NUP98: variants seen among roughly 807,000 people sequenced by gnomAD.
NUP98 encodes nucleoporin 98 and 96 precursor.
NUP98 carries 26 observed loss-of-function variants against 191.9 expected under a neutral mutation model. The observed-to-expected ratio is 0.14, with a 90% confidence interval of 0.10 to 0.19. The LOEUF (loss-of-function observed/expected upper bound fraction) is 0.19, where lower values mean the gene tolerates loss of function less well. Among genes scored for constraint, NUP98 ranks in the 10% least tolerant of loss-of-function variants. NUP98 has a pLI of 1.00. For missense variants in NUP98, 1,941 were observed against 2,178.8 expected (o/e 0.89, Z 2.17); for synonymous variants, 808 against 778.4 (o/e 1.04, Z -0.63).
chr11:3,779,292 A>G, intron 2 of NUP98, 35 bp from the exon 3 acceptor site: 1 of 1,487,610 alleles, frequency 6.7e-7, no homozygotes. Context: ...ATTAGAATTT[A>G]GAATAAAATC....
chr11:3,789,848 G>C (rs957754415), intron 1 of NUP98, among the ~76,000 whole-genome samples: 7 of 152,080 alleles, frequency 4.6e-5, no homozygotes. Context: ...GCAGTGGCAT[G>C]ATCTCAGCTC....
intron 9 of NUP98, 33 bp from the exon 10 acceptor site, chr11:3,760,659 T>A: frequency 1.3e-6 from 2 of 1,583,570 alleles, no homozygotes; most frequent in Non-Finnish European, 1.7e-6. Flanking sequence ...AAATTTAAAA[T>A]AATATTAAGA....
chr11:3,715,992 A>C (rs1305587870), intron 18 of NUP98, among the ~76,000 whole-genome samples: 2 of 152,136 alleles, frequency 1.3e-5, no homozygotes, highest in Non-Finnish European at 2.9e-5. Context: ...TGAACCCCTT[A>C]TCAAATATGA....
At position 3,771,811 on chromosome 11, in the gene NUP98, A is replaced by G. The variant is rs2081540897; in HGVS notation, c.721T>C (p.Phe241Leu). The change falls in exon 7 of 33, where the codon TTC becomes CTC. Residue 241 changes from phenylalanine to leucine, a missense_variant. Phe to Leu is a conservative substitution (Grantham distance 22). Coordinates refer to ENST00000324932, the MANE Select transcript of NUP98 (RefSeq NM_016320.5). ...SPATSSATGL[F>L]SSSTTNSGFA... ...CCTGAATTAGTGGTGGAGGAGCTGA[A>G]GAGTCCTGTTGCGCTGGAAGTGGCT... 1.2e-6 allele frequency: 2 copies of G among 1,614,022 alleles called. No individual in the cohort carries two copies. Among genetic ancestry groups the G allele is most frequent in the African/African-American group, 1.3e-5 (1 of 74,918 alleles).
Position 3,793,110 on chromosome 11 carries a change from C to CA in NUP98, c.-29+4289dup, listed in dbSNP as rs370055248. ...TGGGCGACAGAGCACGACTCCGTCT[C>CA]AAAAAAACAAACAAATAAAAAGGTT... On this transcript the variant is annotated intron_variant, in intron 1 of 32. Transcript: ENST00000324932. Among the ~76,000 whole-genome samples the CA allele has an allele frequency of 2.7e-3, 417 of 151,654 alleles. 3 individuals are homozygous for CA. The highest frequency in any genetic ancestry group is 9.2e-3 in the African/African-American group (379 of 41,354).
rs992959944 is a variant in NUP98 at position 3,699,113 on chromosome 11, G to A, written c.3978C>T (p.Ile1326=). 5.0e-6 allele frequency: 8 copies of A among 1,613,188 alleles called. No individual in the cohort carries two copies. Among genetic ancestry groups the A allele is most frequent in the African/African-American group, 1.3e-5 (1 of 75,012 alleles). Residue 1326 remains isoleucine (I), a synonymous_variant, in exon 25 of 33, where the codon ATC becomes ATT. Transcript: ENST00000324932. The part of the protein sequence containing the change: ...AVFSYLTGKR[I]SEACSLAQQS... Reference sequence around the variant, plus strand: ...GCTGGGCCAGAGAGCAGGCCTCACTGATCCTTTTGCCTGTGAGGTAGCTGA... The same window carrying A: ...GCTGGGCCAGAGAGCAGGCCTCACTAATCCTTTTGCCTGTGAGGTAGCTGA...
chr11:3,702,548 G>A lies in NUP98; in HGVS notation c.3427C>T (p.Leu1143=), dbSNP rs2078740916. 2 of 1,614,120 alleles carry A rather than the reference G, an allele frequency of 1.2e-6. No individual in the cohort carries two copies. Among genetic ancestry groups the A allele is most frequent in the Non-Finnish European group, 1.7e-6 (2 of 1,180,024 alleles). Residue 1143 remains leucine (L), a synonymous_variant, in exon 23 of 33, where the codon CTG becomes TTG. Coordinates refer to ENST00000324932, the MANE Select transcript of NUP98 (RefSeq NM_016320.5). ...NWTLANSGEQ[L]NGSHELENHQ... ...TTTTCTAGTTCATGAGAGCCATTCA[G>A]CTGTTCTCCACTATTAGCAAGAGTC...
At position 3,771,966 on chromosome 11, in the gene NUP98, C is replaced by G. The variant is rs765685298; in HGVS notation, c.604-38G>C. 29 of 1,558,458 alleles carry G rather than the reference C, an allele frequency of 1.9e-5. No individual in the cohort carries two copies. The South Asian group carries it at 3.2e-4, about 17-fold the overall frequency. On this transcript the variant is annotated intron_variant, in intron 6 of 32. Transcript: ENST00000324932. The stretch of plus-strand genomic sequence containing the variant: ...AAAACATATTTCTAATCTTAACATG[C>G]AGCTAAAAATAATTATTTAGGAGGC...
intron 11 of NUP98, among the ~76,000 whole-genome samples, chr11:3,746,903 A>C (rs375741694): frequency 6.6e-6 from 1 of 150,668 alleles, no homozygotes; most frequent in African/African-American, 2.5e-5. Flanking sequence ...AGAAGAGCAA[A>C]ACGCAGTCTC....
chr11:3,762,672 G>C (rs1256011260), intron 9 of NUP98, among the ~76,000 whole-genome samples: 1 of 152,104 alleles, frequency 6.6e-6, no homozygotes, highest in Non-Finnish European at 1.5e-5. Context: ...AAGCACTGAG[G>C]CAAAGAAATT....
chr11:3,772,569 G>A (rs2081564139), intron 6 of NUP98, among the ~76,000 whole-genome samples: 1 of 152,146 alleles, frequency 6.6e-6, no homozygotes, highest in African/African-American at 2.4e-5. Flanking sequence ...TGTAATCCCA[G>A]CACTTTGGGA....
chr11:3,742,003 TAA>T (rs1344262129), intron 12 of NUP98, among the ~76,000 whole-genome samples: 4 of 152,240 alleles, frequency 2.6e-5, no homozygotes, highest in East Asian at 1.9e-4. Context: ...AGAAAATAAA[TAA>T]AGAGAAAAAC....
intron 1 of NUP98, among the ~76,000 whole-genome samples, chr11:3,785,029 T>C (rs769493328): frequency 1.3e-5 from 2 of 151,370 alleles, no homozygotes; most frequent in Non-Finnish European, 2.9e-5. Context: ...TCCCAGCTAC[T>C]CAGGAGGCTG....
chr11:3,747,198 A>G (rs868651697), intron 11 of NUP98, among the ~76,000 whole-genome samples: 1 of 152,206 alleles, frequency 6.6e-6, no homozygotes, highest in Non-Finnish European at 1.5e-5. Flanking sequence ...TAAAGAAGCT[A>G]TATGGGGGGC....
At chr11:3,723,979 T>C (rs1273293628) in intron 15 of NUP98, among the ~76,000 whole-genome samples, 2 of 151,908 alleles carry the variant, frequency 1.3e-5, no homozygotes, top group Non-Finnish European at 2.9e-5. Context: ...CAAGTTATCT[T>C]ACATTCACAA....
chr11:3,723,391 C>T lies in NUP98; in HGVS notation c.1912G>A (p.Val638Ile), dbSNP rs148384795. The change falls in exon 16 of 33, where the codon GTT (valine) becomes ATT (isoleucine). Residue 638 changes from valine (V) to isoleucine (I), a missense_variant. Transcript: ENST00000324932. Reference sequence around the variant, plus strand: ...ATAGGGTTAGTATAAAAATGTGAAACAAGGGAATCTTCATCTCCATCCTGC... The same window carrying T: ...ATAGGGTTAGTATAAAAATGTGAAATAAGGGAATCTTCATCTCCATCCTGC... The part of the protein sequence containing the change: ...HQQDGDEDSL[V>I]SHFYTNPIAK... 2.9e-5 allele frequency: 46 copies of T among 1,613,970 alleles called. No homozygotes were observed. The highest frequency in any genetic ancestry group is 1.3e-4 in the East Asian group (6 of 44,886).
rs572360055 is a variant in NUP98, at chr11:3,746,930, A to G, written c.1268-2281T>C. Among the ~76,000 whole-genome samples the G allele has an allele frequency of 4.9e-3, 748 of 151,870 alleles. 10 individuals are homozygous for G. The highest frequency in any genetic ancestry group is 0.017 in the African/African-American group (691 of 41,414). ...CGCAGTCTCAAAAAAAAAAAAAAAA[A>G]GTACTGTGAGGTTTGAGTTGTCTGT... On this transcript the variant is annotated intron_variant, in intron 11 of 32. Transcript: ENST00000324932.
chr11:3,768,550 C>T (rs1396323645), intron 8 of NUP98, 31 bp downstream of exon 8: 1 of 1,492,368 alleles, frequency 6.7e-7, no homozygotes, highest in Admixed American at 2.1e-5. Context: ...AAAAATAAGA[C>T]ATGGAGGTAA....
At chr11:3,779,323 A>C in intron 2 of NUP98, 66 bp from the exon 3 acceptor site, 2 of 1,235,640 alleles carry the variant, frequency 1.6e-6, no homozygotes, top group East Asian at 2.3e-5. Flanking sequence ...GACCAAATGA[A>C]AAGGCATTTT....
Sources: allele counts gnomAD v4.1 joint callset (sites outside exome capture counted in the v4.1 genomes callset), GRCh38; gene constraint gnomAD v4.1.1; transcripts MANE v1.5; gene names NCBI Gene and HGNC (gene_info 2026-07-23, HGNC 2026-07-21).